NARF: variants seen among roughly 807,000 people sequenced by gnomAD.
NARF encodes nuclear prelamin A recognition factor, also known as iron-only hydrogenase-like protein 2.
NARF carries 41 observed loss-of-function variants against 48.0 expected under a neutral mutation model. The ratio of observed to expected loss-of-function variants is 0.85; its 90% CI spans 0.66 to 1.11. NARF has a LOEUF of 1.11. NARF is among the 50% of genes least tolerant of loss of function. The pLI, the probability that NARF is intolerant of heterozygous loss-of-function variation, is 0.00. For synonymous variants in NARF, 215 were observed against 225.5 expected (o/e 0.95, Z 0.42); for missense variants, 613 against 590.2 (o/e 1.04, Z -0.40).
chr17:82,474,968 A>G (rs2043801872), intron 5 of NARF, among the ~76,000 whole-genome samples: 1 of 152,214 alleles, frequency 6.6e-6, no homozygotes, highest in African/African-American at 2.4e-5. Flanking sequence ...GACGCCAGAT[A>G]CAGCCTTTTA....
intron 8 of NARF, 177 bp from the exon 9 acceptor site, chr17:82,484,636 C>G: frequency 1.4e-6 from 1 of 705,614 alleles, no homozygotes; most frequent in East Asian, 3.3e-5. Flanking sequence ...GGCAGGCCCT[C>G]CCAAGACCCC....
At chr17:82,475,580 GA>G (rs2043814606) in intron 5 of NARF, among the ~76,000 whole-genome samples, 2 of 145,156 alleles carry the variant, frequency 1.4e-5, no homozygotes, top group South Asian at 4.3e-4. Flanking sequence ...CTGGGTAACA[GA>G]GCAACCCTGT....
At chr17:82,469,281 T>C (rs2043642873) in intron 4 of NARF, among the ~76,000 whole-genome samples, 1 of 152,202 alleles carries the variant, frequency 6.6e-6, no homozygotes, top group African/African-American at 2.4e-5. Context: ...AAATGATTAG[T>C]ATCTGGTTTC....
rs546181013 is a variant in NARF, at chr17:82,464,239, T to C, written c.109-48T>C. 160 of 1,594,444 alleles carry C rather than the reference T, an allele frequency of 1.0e-4. 4 individuals are homozygous for C. In the South Asian group the frequency reaches 1.8e-3, roughly 18 times the overall value. On this transcript the variant is annotated intron_variant, in intron 2 of 10. Transcript: ENST00000309794. ...GTGTTACCCTCTCTAAAGAAGCACA[T>C]TAAAGAGTATTTGTTGAATAATCAT...
At chr17:82,471,995 A>T (rs1204676719) in intron 4 of NARF, among the ~76,000 whole-genome samples, 1 of 152,076 alleles carries the variant, frequency 6.6e-6, no homozygotes, top group Admixed American at 6.6e-5. Context: ...ATGAGAGAGA[A>T]CATACATATT....
chr17:82,481,185 G>A lies in NARF; in HGVS notation c.743G>A (p.Arg248Gln), dbSNP rs375187791. ...ESLPPALHGS[R>Q]GADCVLTSGE... ...CTTCCCCCTGCTTTGCATGGCTCCC[G>A]GGGCGCTGACTGCGTGTTAACATCA... Residue 248 changes from arginine to glutamine, a missense_variant, in exon 7 of 11, where the codon CGG becomes CAG. Coordinates refer to ENST00000309794, the MANE Select transcript of NARF (RefSeq NM_012336.4). The A allele has an allele frequency of 5.9e-5, 95 of 1,613,874 alleles. No individual in the cohort carries two copies. The highest frequency in any genetic ancestry group is 2.2e-5 in the South Asian group (2 of 91,086).
rs371886317 is a variant in NARF at position 82,481,148 on chromosome 17, C to T, written c.706C>T (p.Leu236Phe). 1.4e-5 allele frequency: 23 copies of T among 1,613,986 alleles called. No individual in the cohort carries two copies. Among genetic ancestry groups the T allele is most frequent in the Admixed American group, 3.3e-5 (2 of 59,996 alleles). The change falls in exon 7 of 11, where the codon CTT becomes TTT. Residue 236 changes from leucine to phenylalanine, a missense_variant. Leu to Phe is a conservative substitution (Grantham distance 22). Transcript: ENST00000309794. ...TTGTTATGACAAGAAGCTGGAGGCTCTTCAGGAAAGCCTTCCCCCTGCTTT... is the reference window on the plus strand; with the variant it reads ...TTGTTATGACAAGAAGCTGGAGGCTTTTCAGGAAAGCCTTCCCCCTGCTTT... ...APCYDKKLEALQESLPPALHG... is the reference protein window; with the variant it reads ...APCYDKKLEAFQESLPPALHG...
intron 2 of NARF, chr17:82,463,375 G>A (rs982146465): frequency 6.6e-6 from 1 of 152,242 alleles, no homozygotes; most frequent in African/African-American, 2.4e-5. Flanking sequence ...TTAGCGAGGA[G>A]GGACAGACTC....
At chr17:82,472,180 G>T (rs929885295) in intron 4 of NARF, among the ~76,000 whole-genome samples, 1 of 151,912 alleles carries the variant, frequency 6.6e-6, no homozygotes, top group Non-Finnish European at 1.5e-5. Flanking sequence ...AAGCAAAAAT[G>T]AGTAAGAATG....
rs2043353933 is a variant in NARF at position 82,458,846 on chromosome 17, C to T, written c.27+16C>T. 1 of 1,395,042 alleles carries T rather than the reference C, an allele frequency of 7.2e-7. No individual in the cohort carries two copies. Among genetic ancestry groups the T allele is most frequent in the African/African-American group, 1.5e-5 (1 of 66,820 alleles). The allele number at this position is 1,395,042 out of a possible 1,614,324, so 86.4% of individuals were successfully genotyped here. On this transcript the variant is annotated intron_variant, in intron 1 of 10. Coordinates refer to ENST00000309794, the MANE Select transcript of NARF (RefSeq NM_012336.4). ...CACGCGCAAGGTGAGCGCCGCGGGCCGGGGAGGCGCGCGCCTGGTGCTTGT... is the reference window on the plus strand; with the variant it reads ...CACGCGCAAGGTGAGCGCCGCGGGCTGGGGAGGCGCGCGCCTGGTGCTTGT...
At position 82,481,136 on chromosome 17, in the gene NARF, A is replaced by G; in HGVS notation, c.694A>G (p.Lys232Glu). 6.2e-7 allele frequency: 1 copy of G among 1,614,120 alleles called. No individual in the cohort carries two copies. Among genetic ancestry groups the G allele is most frequent in the Non-Finnish European group, 8.5e-7 (1 of 1,180,024 alleles). ...CATTGTGGCCCCTTGTTATGACAAG[A>G]AGCTGGAGGCTCTTCAGGAAAGCCT... is the stretch of plus-strand genomic sequence containing the variant. ...HVIVAPCYDK[K>E]LEALQESLPP... The change falls in exon 7 of 11, where the codon AAG becomes GAG. Residue 232 changes from lysine to glutamate, a missense_variant. Coordinates refer to ENST00000309794, the MANE Select transcript of NARF (RefSeq NM_012336.4).
At chr17:82,484,522 G>C (rs959728275) in intron 8 of NARF, 4 of 271,370 alleles carry the variant, frequency 1.5e-5, no homozygotes, top group Admixed American at 1.0e-4. Flanking sequence ...GACAGAACAA[G>C]ACCCTGTCTC....
chr17:82,466,483 C>G (rs549778925), intron 3 of NARF, among the ~76,000 whole-genome samples: 1 of 152,196 alleles, frequency 6.6e-6, no homozygotes, highest in South Asian at 2.1e-4. Flanking sequence ...GATGGAGTCT[C>G]TCACTGTCTC....
chr17:82,460,302 T>C, intron 2 of NARF: 1 of 348,788 alleles, frequency 2.9e-6, no homozygotes. Context: ...TTATCTCTGC[T>C]AAAAATACAA....
chr17:82,480,788 C>G (rs1457858924), intron 6 of NARF: 10 of 498,890 alleles, frequency 2.0e-5, no homozygotes, highest in Admixed American at 3.5e-5. Flanking sequence ...AAAAATTAGC[C>G]AGGCGTGGCG....
Position 82,485,556 on chromosome 17 carries a change from C to T in NARF, c.1031C>T (p.Ala344Val), listed in dbSNP as rs781276239. 1.9e-6 allele frequency: 3 copies of T among 1,614,232 alleles called. No homozygotes were observed. In the Admixed American group the frequency reaches 5.0e-5, roughly 27 times the overall value. Residue 344 changes from alanine to valine, a missense_variant, in exon 10 of 11, where the codon GCT (alanine) becomes GTT (valine). Physicochemically the swap from Ala to Val is moderately conservative, Grantham distance 64. Coordinates refer to ENST00000309794, the MANE Select transcript of NARF (RefSeq NM_012336.4). Reference sequence around the variant, plus strand: ...AACGGAGAGGTGGTGTTACGCTTTGCTGCAGCCTATGGCTTTCGAAACATC... The same window carrying T: ...AACGGAGAGGTGGTGTTACGCTTTGTTGCAGCCTATGGCTTTCGAAACATC... ...EKNGEVVLRF[A>V]AAYGFRNIQN...
rs533647811 is a variant in NARF, at chr17:82,468,777, C to T, written c.266C>T (p.Ser89Leu). 8.4e-5 allele frequency: 136 copies of T among 1,613,800 alleles called. No individual in the cohort carries two copies. In the South Asian group the frequency reaches 1.3e-3, roughly 15 times the overall value. ...VLNLNKKCDT[S>L]KHKVLVVSVC... ...TTCTCCTTCTAGAAATGTGATACCT[C>T]AAAGCACAAAGTGCTGGTAGTGTCT... Residue 89 changes from serine to leucine, a missense_variant, in exon 4 of 11, where the codon TCA becomes TTA. Physicochemically the swap from Ser to Leu is moderately radical, Grantham distance 145. Coordinates refer to ENST00000309794, the MANE Select transcript of NARF (RefSeq NM_012336.4).
intron 5 of NARF, chr17:82,477,148 C>T (rs2043852160): frequency 1.3e-5 from 2 of 152,304 alleles, no homozygotes; most frequent in South Asian, 4.1e-4. Context: ...TCTTAGCCTT[C>T]CAAGTAGCTG....
chr17:82,469,039 C>T (rs563393366), intron 4 of NARF, 143 bp downstream of exon 4: 13 of 913,938 alleles, frequency 1.4e-5, no homozygotes, highest in East Asian at 2.6e-5. Flanking sequence ...GACCATGTCC[C>T]GTGTGTCATG....
Sources: gnomAD v4.1 joint callset for allele counts (sites outside exome capture counted in the v4.1 genomes callset) on GRCh38, gnomAD v4.1.1 for gene constraint, MANE v1.5 for transcripts, NCBI Gene and HGNC (gene_info 2026-07-23, HGNC 2026-07-21) for gene names.